The following MED1 variants were observed in gnomAD, a reference collection of about 807,000 sequenced individuals.
The protein encoded by MED1 is mediator of RNA polymerase II transcription subunit 1.
A neutral mutation model predicts 121.3 loss-of-function variants in MED1; 17 were observed. The ratio of observed to expected loss-of-function variants is 0.14; its 90% CI spans 0.10 to 0.21. The LOEUF is 0.21. Among genes scored for constraint, MED1 ranks in the 10% least tolerant of loss-of-function variants. The probability of loss-of-function intolerance (pLI) is 1.00; values close to 1 mark genes in which losing one functional copy is unlikely to be tolerated. For missense variants in MED1, 1,558 were observed against 1,919.4 expected (o/e 0.81, Z 3.52); for synonymous variants, 661 against 694.4 (o/e 0.95, Z 0.76).
intron 13 of MED1, among the ~76,000 whole-genome samples, chr17:39,420,350 C>A (rs2048450573): frequency 6.6e-6 from 1 of 151,832 alleles, no homozygotes; most frequent in African/African-American, 2.4e-5. Flanking sequence ...TAGGCACCCG[C>A]CACCACGCCC....
rs1289662944 is a variant in MED1 at position 39,405,427 on chromosome 17, C to T, written c.*2048G>A. On this transcript the variant is annotated 3_prime_UTR_variant, in exon 17 of 17. Coordinates refer to ENST00000300651, the MANE Select transcript of MED1 (RefSeq NM_004774.4). ...TCAGTACATTCCCCCTAAGATTCTCCCCACTCAGAACAAATTTTAAAAACC... is the reference window on the plus strand; with the variant it reads ...TCAGTACATTCCCCCTAAGATTCTCTCCACTCAGAACAAATTTTAAAAACC... 5 of 1,400,312 alleles carry T rather than the reference C, an allele frequency of 3.6e-6. No individual in the cohort carries two copies. The Admixed American group carries it at 1.2e-4, about 33-fold the overall frequency. 86.7% of individuals were successfully genotyped at this position (1,400,312 alleles called of 1,614,324 possible). A position where few individuals can be genotyped will look rare whatever the true frequency, so the allele number is the denominator to read the frequency against.
At chr17:39,434,540 G>A (rs1041922163) in intron 6 of MED1, among the ~76,000 whole-genome samples, 5 of 152,188 alleles carry the variant, frequency 3.3e-5, no homozygotes, top group African/African-American at 4.8e-5. Context: ...TGGAGAAGGT[G>A]CTAATAAGCA....
rs148737810 is a variant in MED1 at position 39,413,137 on chromosome 17, C to T, written c.1499+1889G>A. On this transcript the variant is annotated intron_variant, in intron 16 of 16. Transcript: ENST00000300651. ...TCTACCAGGCTGGAGTGGAGTGGCA[C>T]AATCTCGGCTCACTGCAGCCTCCGC... 1.3e-3 allele frequency among the ~76,000 whole-genome samples: 193 copies of T among 151,956 alleles called. 1 individual carries two copies. Among genetic ancestry groups the T allele is most frequent in the African/African-American group, 4.5e-3 (188 of 41,480 alleles).
At position 39,408,471 on chromosome 17, in the gene MED1, T is replaced by G; in HGVS notation, c.3750A>C (p.Gly1250=). 6.2e-7 allele frequency: 1 copy of G among 1,614,028 alleles called. No individual in the cohort carries two copies. Among genetic ancestry groups the G allele is most frequent in the Non-Finnish European group, 8.5e-7 (1 of 1,180,008 alleles). ...SSGMKSSSGL[G]SSGSLSQKTP... ...TTTTCTGGGACAACGAGCCTGAGGA[T>G]CCTAACCCTGAAGATGACTTCATGC... is the stretch of plus-strand genomic sequence containing the variant. The change falls in exon 17 of 17, where the codon GGA becomes GGC. Residue 1250 remains glycine, a synonymous_variant. Coordinates refer to ENST00000300651, the MANE Select transcript of MED1 (RefSeq NM_004774.4). The surrounding 1 kb of genome is among the most constrained non-coding windows in gnomAD (Gnocchi z 4.7).
intron 6 of MED1, among the ~76,000 whole-genome samples, chr17:39,436,591 C>T (rs1181786718): frequency 5.9e-5 from 9 of 152,128 alleles, no homozygotes; most frequent in Non-Finnish European, 1.2e-4. Context: ...AATCCACTAT[C>T]TGCTAAAAGC....
rs140796864 is a variant in MED1 at position 39,408,805 on chromosome 17, C to A, written c.3416G>T (p.Gly1139Val). 1.2e-6 allele frequency: 2 copies of A among 1,613,830 alleles called. No individual in the cohort carries two copies. The highest frequency in any genetic ancestry group is 2.7e-5 in the African/African-American group (2 of 74,902). ...GGATGAATTTTTGGACTGGCTAGATCCAGAAGACCCCTGGCTAGAATACAT... is the reference window on the plus strand; with the variant it reads ...GGATGAATTTTTGGACTGGCTAGATACAGAAGACCCCTGGCTAGAATACAT... ...SSMYSSQGSS[G>V]SSQSKNSSQS... The change falls in exon 17 of 17, where the codon GGA becomes GTA. Residue 1139 changes from glycine to valine, a missense_variant. By Grantham distance (109) the Gly-to-Val change is moderately radical. This residue lies in a region of MED1 where 793 missense variants were observed against 898.2 expected (regional missense o/e 0.88). Coordinates refer to ENST00000300651, the MANE Select transcript of MED1 (RefSeq NM_004774.4). The surrounding 1 kb of genome is among the most constrained non-coding windows in gnomAD (Gnocchi z 4.7).
intron 7 of MED1, among the ~76,000 whole-genome samples, chr17:39,432,683 G>A (rs1291911455): frequency 6.6e-6 from 1 of 151,906 alleles, no homozygotes; most frequent in Non-Finnish European, 1.5e-5. Context: ...GAACCCGGGA[G>A]GTGGAGGTTG....
intron 14 of MED1, among the ~76,000 whole-genome samples, chr17:39,419,516 T>G (rs11650081): frequency 0.63 from 95,336 of 151,254 alleles, 32,709 homozygotes; most frequent in South Asian, 0.89. Context: ...CAAGCGATTC[T>G]CCTTCCTCAG....
chr17:39,441,629 G>A (rs1289633564), intron 3 of MED1, among the ~76,000 whole-genome samples: 2 of 152,090 alleles, frequency 1.3e-5, no homozygotes, highest in Middle Eastern at 3.2e-3. Flanking sequence ...AATTAGCCAG[G>A]TGTGGTGGTG....
At position 39,447,155 on chromosome 17, in the gene MED1, C is replaced by T. The variant is rs1000534723; in HGVS notation, c.132+643G>A. 5.3e-5 allele frequency among the ~76,000 whole-genome samples: 8 copies of T among 152,152 alleles called. No homozygotes were observed. In the East Asian group the frequency reaches 5.8e-4, roughly 11 times the overall value. ...CCTGTAATCCCAGCACTTTGGGAGG[C>T]GAAGGCAGGTGGATCACCTGAGGTC... On this transcript the variant is annotated intron_variant, in intron 2 of 16. Transcript: ENST00000300651.
At chr17:39,443,679 G>A in intron 2 of MED1, 51 bp from the exon 3 acceptor site, 3 of 1,440,924 alleles carry the variant, frequency 2.1e-6, no homozygotes, top group South Asian at 2.3e-5. Context: ...GGCCAACAGT[G>A]TTTTAGGTAA....
chr17:39,429,583 C>G (rs1239263506), intron 9 of MED1, among the ~76,000 whole-genome samples: 2 of 151,182 alleles, frequency 1.3e-5, no homozygotes, highest in African/African-American at 4.9e-5. Flanking sequence ...GTAATCCCAG[C>G]TACATGGGAG....
intron 3 of MED1, among the ~76,000 whole-genome samples, chr17:39,441,674 G>C (rs1040127508): frequency 3.3e-5 from 5 of 152,172 alleles, no homozygotes; most frequent in African/African-American, 1.2e-4. Context: ...GGAGGCTGAG[G>C]CAAGAGAATC....
At chr17:39,434,356 A>C in intron 6 of MED1, 36 bp from the exon 7 acceptor site, 1 of 1,133,770 alleles carries the variant, frequency 8.8e-7, no homozygotes, top group Non-Finnish European at 1.3e-6. Context: ...AAAGAGAGGA[A>C]AATAAAACAT....
chr17:39,448,935 T>C (rs1015582884), intron 1 of MED1, among the ~76,000 whole-genome samples: 3 of 151,932 alleles, frequency 2.0e-5, no homozygotes, highest in Admixed American at 1.3e-4. Context: ...TAAATGAAAA[T>C]GCTAAAAAGA....
At position 39,423,438 on chromosome 17, in the gene MED1, T is replaced by A; in HGVS notation, c.984A>T (p.Pro328=). 1 of 1,604,628 alleles carries A rather than the reference T, an allele frequency of 6.2e-7. No homozygotes were observed. Among genetic ancestry groups the A allele is most frequent in the Non-Finnish European group, 8.5e-7 (1 of 1,171,674 alleles). The change falls in exon 13 of 17, where the codon CCA becomes CCT. Residue 328 remains proline, a synonymous_variant. Coordinates refer to ENST00000300651, the MANE Select transcript of MED1 (RefSeq NM_004774.4). The part of the protein sequence containing the change: ...VQKLQNCTGI[P]LFETQPTYAP... ...CATAAGTTGGTTGAGTTTCAAACAA[T>A]GGAATTCCTGGAAAAACAAGAATCA...
At position 39,414,634 on chromosome 17, in the gene MED1, C is replaced by CTTTTTTTTTTT. The variant is rs55829399; in HGVS notation, c.1499+381_1499+391dup. Among the ~76,000 whole-genome samples, 2 of 61,530 alleles carry CTTTTTTTTTTT rather than the reference C, an allele frequency of 3.3e-5. 1 individual carries two copies. Among genetic ancestry groups the CTTTTTTTTTTT allele is most frequent in the Admixed American group, 4.1e-4 (2 of 4,870 alleles). 40.4% of individuals were successfully genotyped at this position (61,530 alleles called of 152,430 possible). A position where few individuals can be genotyped will look rare whatever the true frequency, so the allele number is the denominator to read the frequency against. ...ACAGGCGTGAGCCACCAGGCCCGGC[C>CTTTTTTTTTTT]TTTTTTTTTTTTTTTTTTTTTTTTT... On this transcript the variant is annotated intron_variant, in intron 16 of 16. Transcript: ENST00000300651.
intron 6 of MED1, among the ~76,000 whole-genome samples, chr17:39,438,804 C>G (rs1411704589): frequency 1.3e-5 from 2 of 152,084 alleles, no homozygotes; most frequent in African/African-American, 2.4e-5. Flanking sequence ...CAAAAATTAG[C>G]TGGGCATGGT....
At position 39,408,772 on chromosome 17, in the gene MED1, C is replaced by T; in HGVS notation, c.3449G>A (p.Gly1150Glu). 6.2e-7 allele frequency: 1 copy of T among 1,614,120 alleles called. No individual in the cohort carries two copies. Among genetic ancestry groups the T allele is most frequent in the Non-Finnish European group, 8.5e-7 (1 of 1,180,002 alleles). The change falls in exon 17 of 17, where the codon GGG becomes GAG. Residue 1150 changes from glycine to glutamate, a missense_variant. By Grantham distance (98) the Gly-to-Glu change is moderately conservative. Around this residue, in one of 5 missense-constraint regions of MED1, gnomAD observed 793 missense variants for 898.2 expected, o/e 0.88. Transcript: ENST00000300651. This position sits in a 1 kb window ranked among gnomAD's most constrained non-coding sequence, Gnocchi z 4.7. ...SSQSKNSSQS[G>E]GKPGSSPITK... ...TATGGGAGAGGAGCCTGGCTTCCCC[C>T]CAGACTGGGATGAATTTTTGGACTG...
Sources: allele counts gnomAD v4.1 joint callset (sites outside exome capture counted in the v4.1 genomes callset), GRCh38; gene constraint gnomAD v4.1.1; regional missense constraint gnomAD v4.1.1; non-coding constraint Gnocchi (gnomAD v3.1); transcripts MANE v1.5; gene names NCBI Gene and HGNC (gene_info 2026-07-23, HGNC 2026-07-21).